The following PER3 variants were observed in gnomAD, a reference collection of about 807,000 sequenced individuals.
The protein encoded by PER3 is period circadian protein homolog 3.
In PER3, 107 loss-of-function variants were observed where a neutral mutation model predicts 127.2. The observed-to-expected ratio is 0.84, with a 90% confidence interval of 0.72 to 0.99. PER3 has a LOEUF of 0.99. Ranked by LOEUF, PER3 falls within the 50% of genes least tolerant of loss-of-function variation. The pLI is 0.00. For missense variants in PER3, 1,560 were observed against 1,525.8 expected (o/e 1.02, Z -0.37); for synonymous variants, 618 against 585.8 (o/e 1.05, Z -0.79).
chr1:7,827,417 G>C lies in PER3; in HGVS notation c.2488G>C (p.Glu830Gln), dbSNP rs1175725980. 6.2e-7 allele frequency: 1 copy of C among 1,614,178 alleles called. No homozygotes were observed. The highest frequency in any genetic ancestry group is 8.5e-7 in the Non-Finnish European group (1 of 1,180,038). The change falls in exon 18 of 22, where the codon GAA (glutamate) becomes CAA (glutamine). Residue 830 changes from glutamate (E) to glutamine (Q), a missense_variant. Physicochemically the swap from Glu to Gln is conservative, Grantham distance 29. Transcript: ENST00000377532. ...ATACGCAGCCCCCGGAACTGCACCGGAAGGCCTGCATGGGCTGCCCTTGTC... is the reference window on the plus strand; with the variant it reads ...ATACGCAGCCCCCGGAACTGCACCGCAAGGCCTGCATGGGCTGCCCTTGTC... ...REYAAPGTAPEGLHGLPLSEG... is the reference protein window; with the variant it reads ...REYAAPGTAPQGLHGLPLSEG...
chr1:7,787,876 T>A (rs1368562256), intron 4 of PER3, 169 bp from the exon 5 acceptor site: 10 of 613,604 alleles, frequency 1.6e-5, no homozygotes, highest in Non-Finnish European at 2.0e-5. Context: ...GGAGAAGATT[T>A]AAGAAGCATG....
At chr1:7,791,850 A>C (rs180713816) in intron 5 of PER3, among the ~76,000 whole-genome samples, 1 of 152,094 alleles carries the variant, frequency 6.6e-6, no homozygotes, top group Admixed American at 6.5e-5. Context: ...CAAGTTCCTC[A>C]TCTCTCTCTG....
In PER3 at chr1:7,823,126, T is replaced by C. The variant is rs762593813; in HGVS notation, c.1957+2486T>C. 1.8e-4 allele frequency among the ~76,000 whole-genome samples: 28 copies of C among 152,078 alleles called. 1 individual carries two copies. The highest frequency in any genetic ancestry group is 3.5e-4 in the Non-Finnish European group (24 of 68,014). ...AATTCTCAAAACAGATTTTTAAAAA[T>C]CAAGACCTAACTATATGCAAAGTAC... On this transcript the variant is annotated intron_variant, in intron 16 of 21. Coordinates refer to ENST00000377532, the MANE Select transcript of PER3 (RefSeq NM_001377275.1).
At chr1:7,812,422 C>G (rs12061655) in intron 13 of PER3, among the ~76,000 whole-genome samples, 20,299 of 151,492 alleles carry the variant, frequency 0.13, 1,571 homozygotes, top group Non-Finnish European at 0.15. Context: ...GTCAGGAGAT[C>G]GAGACCATCC....
chr1:7,799,610 CAAA>C (rs759699006), intron 7 of PER3, among the ~76,000 whole-genome samples: 19 of 93,220 alleles, frequency 2.0e-4, no homozygotes, highest in Admixed American at 4.6e-4. Flanking sequence ...AACTCTGTCT[CAAA>C]AAAAAAAAAA....
chr1:7,809,062 AT>A (rs1235043921), intron 11 of PER3, 64 bp downstream of exon 11: 5 of 773,708 alleles, frequency 6.5e-6, no homozygotes, highest in Non-Finnish European at 1.1e-5. Flanking sequence ...TGCTCAGTAA[AT>A]TCACTTCACA....
chr1:7,814,428 CAA>C (rs2097237133), intron 13 of PER3, among the ~76,000 whole-genome samples: 1 of 152,074 alleles, frequency 6.6e-6, no homozygotes, highest in South Asian at 2.1e-4. Flanking sequence ...ACTAAAAAGA[CAA>C]TAGAGTAGCA....
At position 7,796,274 on chromosome 1, in the gene PER3, A is replaced by G. The variant is rs373611367; in HGVS notation, c.645-2251A>G. ...TTGCTACAGGGTTATCATTGCATCT[A>G]GAAATTTTCAGTGAACAGAGGTAGG... is the stretch of plus-strand genomic sequence containing the variant. On this transcript the variant is annotated intron_variant, in intron 6 of 21. Transcript: ENST00000377532. Among the ~76,000 whole-genome samples the G allele has an allele frequency of 6.7e-5, 10 of 150,044 alleles. 1 individual carries two copies. Among genetic ancestry groups the G allele is most frequent in the African/African-American group, 2.4e-4 (10 of 40,864 alleles).
intron 21 of PER3, among the ~76,000 whole-genome samples, chr1:7,837,952 C>T (rs1248062750): frequency 6.6e-6 from 1 of 152,122 alleles, no homozygotes; most frequent in Admixed American, 6.6e-5. Context: ...ATAGTCCCAA[C>T]TACTCAGGAG....
chr1:7,811,828 C>T (rs1460898286), intron 13 of PER3, among the ~76,000 whole-genome samples: 2 of 152,160 alleles, frequency 1.3e-5, no homozygotes, highest in Admixed American at 6.5e-5. Context: ...ACTCCCCAGA[C>T]AGAGCAAGTC....
chr1:7,820,516 A>G lies in PER3; in HGVS notation c.1833A>G (p.Gly611=). The G allele has an allele frequency of 6.2e-7, 1 of 1,613,996 alleles. No homozygotes were observed. The change falls in exon 16 of 22, where the codon GGA becomes GGG. Residue 611 remains glycine, a synonymous_variant. Coordinates refer to ENST00000377532, the MANE Select transcript of PER3 (RefSeq NM_001377275.1). The stretch of plus-strand genomic sequence containing the variant: ...CTAAATCAGAAATGCCAACAAATGG[A>G]CGGTCCATAGACACAGGAGGAGGAG... ...AIPKSEMPTN[G]RSIDTGGGAP...
At chr1:7,811,672 G>A (rs868346308) in intron 13 of PER3, 1 of 152,158 alleles carries the variant, frequency 6.6e-6, no homozygotes, top group African/African-American at 2.4e-5. Context: ...CTTTTGAAAG[G>A]TTGCAAATCC....
intron 19 of PER3, among the ~76,000 whole-genome samples, chr1:7,834,522 C>G (rs754345400): frequency 6.6e-6 from 1 of 152,180 alleles, no homozygotes; most frequent in African/African-American, 2.4e-5. Flanking sequence ...CTGATGCAAT[C>G]ATAGCTCACT....
At chr1:7,821,088 G>C (rs544130690) in intron 16 of PER3, among the ~76,000 whole-genome samples, 1 of 152,298 alleles carries the variant, frequency 6.6e-6, no homozygotes, top group South Asian at 2.1e-4. Flanking sequence ...GCAATGAATA[G>C]AGTACTTTAA....
Position 7,843,124 on chromosome 1 carries a change from T to TA in PER3, c.*371dup, listed in dbSNP as rs2097398880. 1 of 155,320 alleles carries TA rather than the reference T, an allele frequency of 6.4e-6. No homozygotes were observed. The highest frequency in any genetic ancestry group is 1.4e-5 in the Non-Finnish European group (1 of 69,656). The allele number at this position is 155,320 out of a possible 1,614,324, so 9.6% of individuals were successfully genotyped here. Reference sequence around the variant, plus strand: ...GCCTCATTTATTTTGTTCTGTTACATAAGTCATTTTCCCCTTAGAGTGCTT... The same window carrying TA: ...GCCTCATTTATTTTGTTCTGTTACATAAAGTCATTTTCCCCTTAGAGTGCTT... On this transcript the variant is annotated 3_prime_UTR_variant, in exon 22 of 22. Transcript: ENST00000377532.
intron 14 of PER3, 111 bp from the exon 15 acceptor site, chr1:7,820,004 G>C: frequency 9.3e-7 from 1 of 1,075,824 alleles, no homozygotes; most frequent in Non-Finnish European, 1.4e-6. Context: ...CTTTATCAAA[G>C]AAGAAAGTAC....
intron 19 of PER3, among the ~76,000 whole-genome samples, chr1:7,831,663 A>G (rs2097332106): frequency 6.6e-6 from 1 of 152,180 alleles, no homozygotes; most frequent in South Asian, 2.1e-4. Context: ...CTGTTGAGAT[A>G]ATCATGTGGT....
At position 7,784,959 on chromosome 1, in the gene PER3, A is replaced by G. The variant is rs774858681; in HGVS notation, c.82A>G (p.Ser28Gly). 6.5e-7 allele frequency: 1 copy of G among 1,549,258 alleles called. No individual in the cohort carries two copies. The highest frequency in any genetic ancestry group is 8.6e-7 in the Non-Finnish European group (1 of 1,157,990). Reference protein sequence around the residue: ...ALGEESGERWSPEFHLQRKLA... With the variant: ...ALGEESGERWGPEFHLQRKLA... Reference sequence around the variant, plus strand: ...GGGCGAAGAATCGGGGGAGCGGTGGAGCCCCGAGTTCCATCTGCAGAGGAA... The same window carrying G: ...GGGCGAAGAATCGGGGGAGCGGTGGGGCCCCGAGTTCCATCTGCAGAGGAA... Residue 28 changes from serine (S) to glycine (G), a missense_variant, in exon 2 of 22, where the codon AGC (serine) becomes GGC (glycine). Physicochemically the swap from Ser to Gly is moderately conservative, Grantham distance 56. This residue lies in a region of PER3 where 1,332 missense variants were observed against 1,223.6 expected (regional missense o/e 1.09). Transcript: ENST00000377532.
chr1:7,794,752 C>G (rs572673526), intron 6 of PER3, among the ~76,000 whole-genome samples: 1 of 151,756 alleles, frequency 6.6e-6, no homozygotes, highest in Non-Finnish European at 1.5e-5. Context: ...CAGAAGAAAA[C>G]AGATGAAAAT....
Sources: allele counts gnomAD v4.1 joint callset (sites outside exome capture counted in the v4.1 genomes callset), GRCh38; gene constraint gnomAD v4.1.1; regional missense constraint gnomAD v4.1.1; transcripts MANE v1.5; gene names NCBI Gene and HGNC (gene_info 2026-07-23, HGNC 2026-07-21).